PRELID2: variants seen among roughly 807,000 people sequenced by gnomAD.
PRELID2 encodes the protein PRELI domain containing 2, also known as PRELI domain-containing protein 2.
PRELID2 carries 25 observed loss-of-function variants against 28.4 expected under a neutral mutation model. The ratio of observed to expected loss-of-function variants is 0.88; its 90% confidence interval spans 0.64 to 1.23. The LOEUF (loss-of-function observed/expected upper bound fraction) is 1.23, where lower values mean the gene tolerates loss of function less well. PRELID2 is among the 50% of genes most tolerant of loss of function. PRELID2 has a pLI of 0.00. For missense variants in PRELID2, 201 were observed against 214.4 expected (o/e 0.94, Z 0.39); for synonymous variants, 76 against 71.6 (o/e 1.06, Z -0.31).
At chr5:145,376,531 C>T in the PRELID2 span, among the ~76,000 whole-genome samples, 2 of 151,956 alleles carry the variant, frequency 1.3e-5, no homozygotes, top group African/African-American at 4.8e-5. Context: ...TGTTCCTGGG[C>T]TTTTTTTAGT....
the PRELID2 span, among the ~76,000 whole-genome samples, chr5:145,464,176 T>G: frequency 6.6e-6 from 1 of 152,074 alleles, no homozygotes; most frequent in African/African-American, 2.4e-5. Flanking sequence ...TTAAAGAGGT[T>G]CTTTAATTAC....
intron 1 of PRELID2, among the ~76,000 whole-genome samples, chr5:145,586,805 T>A (rs564096998): frequency 6.6e-6 from 1 of 152,240 alleles, no homozygotes; most frequent in East Asian, 1.9e-4. Context: ...CCAGAGAACT[T>A]ACATAACTTG....
At chr5:145,306,807 T>C in the PRELID2 span, among the ~76,000 whole-genome samples, 217 of 152,076 alleles carry the variant, frequency 1.4e-3, no homozygotes, top group African/African-American at 5.1e-3. Context: ...CACCAGTCCA[T>C]CAACAGAATA....
chr5:145,344,871 T>G, the PRELID2 span, among the ~76,000 whole-genome samples: 1 of 152,150 alleles, frequency 6.6e-6, no homozygotes, highest in African/African-American at 2.4e-5. Context: ...TTTCATTTTT[T>G]CTATTGGGAT....
intron 1 of PRELID2, among the ~76,000 whole-genome samples, chr5:145,515,281 A>G (rs1338305095): frequency 6.6e-6 from 1 of 152,202 alleles, no homozygotes; most frequent in Admixed American, 6.5e-5. Flanking sequence ...AAGAGAGAAG[A>G]ATCAAATAGA....
the PRELID2 span, among the ~76,000 whole-genome samples, chr5:145,275,915 T>A: frequency 6.6e-6 from 1 of 152,152 alleles, no homozygotes; most frequent in East Asian, 1.9e-4. Flanking sequence ...AGTATGCACC[T>A]CATAAGTGGA....
intron 1 of PRELID2, among the ~76,000 whole-genome samples, chr5:145,490,950 T>C (rs1384319299): frequency 7.0e-6 from 1 of 143,102 alleles, no homozygotes; most frequent in Non-Finnish European, 1.5e-5. Flanking sequence ...CTTACTTGCC[T>C]GGTCCCTATA....
intron 1 of PRELID2, among the ~76,000 whole-genome samples, chr5:145,588,895 C>A (rs1242158489): frequency 6.7e-6 from 1 of 150,300 alleles, no homozygotes; most frequent in Non-Finnish European, 1.5e-5. Flanking sequence ...AAAAAAAAAT[C>A]GTCATTTTCT....
the PRELID2 span, among the ~76,000 whole-genome samples, chr5:145,251,902 T>C: frequency 1.3e-5 from 2 of 152,236 alleles, no homozygotes; most frequent in African/African-American, 2.4e-5. Context: ...CAGGGGTCCA[T>C]GTCTGAATAA....
intron 1 of PRELID2, among the ~76,000 whole-genome samples, chr5:145,502,856 T>C (rs907004658): frequency 6.1e-5 from 9 of 148,104 alleles, no homozygotes; most frequent in African/African-American, 7.5e-5. Context: ...TTTTTTTTTT[T>C]CTGCCGTGTC....
chr5:145,593,541 T>C (rs1256594335), intron 1 of PRELID2, among the ~76,000 whole-genome samples: 3 of 152,160 alleles, frequency 2.0e-5, no homozygotes, highest in African/African-American at 2.4e-5. Flanking sequence ...AAAAACATTA[T>C]AGGCAACTTT....
At chr5:145,659,542 A>G (rs1485724920) in intron 1 of PRELID2, among the ~76,000 whole-genome samples, 1 of 152,226 alleles carries the variant, frequency 6.6e-6, no homozygotes, top group Non-Finnish European at 1.5e-5. Flanking sequence ...GTAGGCTGGT[A>G]GGAGTCAAGA....
At chr5:145,684,122 G>A (rs1434760024) in intron 1 of PRELID2, among the ~76,000 whole-genome samples, 1 of 152,150 alleles carries the variant, frequency 6.6e-6, no homozygotes, top group African/African-American at 2.4e-5. Flanking sequence ...GCAGGAGGGG[G>A]AAGGATAAGA....
chr5:145,603,931 A>ATC (rs1331889591), intron 1 of PRELID2, among the ~76,000 whole-genome samples: 4 of 152,056 alleles, frequency 2.6e-5, no homozygotes, highest in Non-Finnish European at 5.9e-5. Context: ...ATTAAATAGA[A>ATC]TAGTCAATCT....
chr5:145,765,678 T>G (rs548735579), intron 5 of PRELID2, among the ~76,000 whole-genome samples: 1 of 152,164 alleles, frequency 6.6e-6, no homozygotes, highest in South Asian at 2.1e-4. Context: ...TACAAGTGCA[T>G]TGCAGTTCAA....
the PRELID2 span, among the ~76,000 whole-genome samples, chr5:145,314,402 A>G: frequency 6.6e-6 from 1 of 152,210 alleles, no homozygotes; most frequent in Non-Finnish European, 1.5e-5. Context: ...CATGAGGGGA[A>G]AACAGAAAGA....
At chr5:145,614,471 T>C (rs1753666414) in intron 1 of PRELID2, among the ~76,000 whole-genome samples, 1 of 152,244 alleles carries the variant, frequency 6.6e-6, no homozygotes, top group Non-Finnish European at 1.5e-5. Flanking sequence ...CATTTCCATT[T>C]GCTCGTGTTG....
At chr5:145,715,593 CAT>C (rs1045318686) in intron 1 of PRELID2, among the ~76,000 whole-genome samples, 6 of 152,186 alleles carry the variant, frequency 3.9e-5, no homozygotes, top group Non-Finnish European at 8.8e-5. Flanking sequence ...CAACCACCCA[CAT>C]GATTGGATGC....
At chr5:145,272,169 C>A in the PRELID2 span, among the ~76,000 whole-genome samples, 1 of 152,086 alleles carries the variant, frequency 6.6e-6, no homozygotes, top group Non-Finnish European at 1.5e-5. Flanking sequence ...TGAGAACACA[C>A]ACTCCACCTC....
Sources: gnomAD v4.1 joint callset for allele counts (sites outside exome capture counted in the v4.1 genomes callset) on GRCh38, gnomAD v4.1.1 for gene constraint, MANE v1.5 for transcripts, NCBI Gene and HGNC (gene_info 2026-07-23, HGNC 2026-07-21) for gene names.